TMEM132D: variants seen among roughly 807,000 people sequenced by gnomAD.
TMEM132D encodes the protein mature OL transmembrane protein.
A neutral mutation model predicts 62.3 loss-of-function variants in TMEM132D; 21 were observed. That is an observed-to-expected ratio of 0.34 (90% CI 0.24 to 0.49). The LOEUF (loss-of-function observed/expected upper bound fraction) is 0.49. Ranked by LOEUF, TMEM132D falls within the 20% of genes least tolerant of loss-of-function variation. The pLI is 0.99. For synonymous variants in TMEM132D, 621 were observed against 575.6 expected, an observed-to-expected ratio of 1.08 and a Z score of -1.13; for missense variants, 1,346 against 1,402.8, an observed-to-expected ratio of 0.96 and a Z score of 0.65.
At chr12:129,512,469 C>T (rs1205568773) in intron 3 of TMEM132D, among the ~76,000 whole-genome samples, 1 of 152,170 alleles carries the variant, frequency 6.6e-6, no homozygotes, top group African/African-American at 2.4e-5. Flanking sequence ...AACAAGATGA[C>T]AGAGAGACAT....
intron 3 of TMEM132D, among the ~76,000 whole-genome samples, chr12:129,376,123 C>G (rs956130550): frequency 4.6e-5 from 7 of 152,080 alleles, no homozygotes; most frequent in African/African-American, 1.7e-4. Context: ...AAAAAGACAG[C>G]TATAACTTTT....
intron 3 of TMEM132D, among the ~76,000 whole-genome samples, chr12:129,387,663 CACTA>C (rs1397151805): frequency 6.6e-6 from 1 of 152,120 alleles, no homozygotes; most frequent in Non-Finnish European, 1.5e-5. Flanking sequence ...CATGTGCCAA[CACTA>C]ACACCAACAC....
chr12:129,078,408 G>A (rs1421061724), intron 8 of TMEM132D, 126 bp downstream of exon 8: 3 of 918,356 alleles, frequency 3.3e-6, no homozygotes, highest in Non-Finnish European at 4.9e-6. Flanking sequence ...CTTTGCAGAT[G>A]GAGAAACAAA....
At chr12:129,085,890 C>A (rs1565958792) in intron 5 of TMEM132D, 2 of 152,228 alleles carry the variant, frequency 1.3e-5, no homozygotes, top group African/African-American at 4.8e-5. Flanking sequence ...GGCAATGAGT[C>A]CTTTAGTTTT....
intron 3 of TMEM132D, among the ~76,000 whole-genome samples, chr12:129,482,913 CATCTGGTTTT>C (rs1353976958): frequency 5.3e-5 from 8 of 150,174 alleles, no homozygotes. Flanking sequence ...AAAGAGCAAA[CATCTGGTTTT>C]ATCTCTGAGA....
intron 1 of TMEM132D, among the ~76,000 whole-genome samples, chr12:129,824,483 A>G (rs993567718): frequency 2.6e-5 from 4 of 151,950 alleles, no homozygotes; most frequent in Non-Finnish European, 5.9e-5. Context: ...CGCCCCAAGT[A>G]TGACGGATTC....
At chr12:129,079,598 T>C (rs910409311) in intron 7 of TMEM132D, among the ~76,000 whole-genome samples, 9 of 152,224 alleles carry the variant, frequency 5.9e-5, no homozygotes, top group Non-Finnish European at 1.3e-4. Context: ...TCCTCCATTC[T>C]CCTGCTTTCT....
chr12:129,797,169 G>A (rs911077987), intron 1 of TMEM132D, among the ~76,000 whole-genome samples: 1 of 152,162 alleles, frequency 6.6e-6, no homozygotes, highest in Non-Finnish European at 1.5e-5. Flanking sequence ...CATCGCGGGA[G>A]GGTGGCAATG....
intron 5 of TMEM132D, among the ~76,000 whole-genome samples, chr12:129,146,934 G>A (rs571703296): frequency 1.3e-5 from 2 of 152,090 alleles, no homozygotes; most frequent in African/African-American, 2.4e-5. Flanking sequence ...CTGGCCAAAG[G>A]TCACACGGTG....
intron 3 of TMEM132D, among the ~76,000 whole-genome samples, chr12:129,499,120 A>AT (rs1875049110): frequency 6.6e-6 from 1 of 152,230 alleles, no homozygotes; most frequent in African/African-American, 2.4e-5. Context: ...GGAAAATAAC[A>AT]TTATTGCTCT....
intron 2 of TMEM132D, among the ~76,000 whole-genome samples, chr12:129,535,771 TGTGTGCGTGTGTGTGTG>T (rs1257673685): frequency 4.5e-5 from 3 of 66,828 alleles, no homozygotes; most frequent in Non-Finnish European, 1.0e-4. Context: ...ATTTAAGATT[TGTGTGCGTGTGTGTGTG>T]TGTGTGTGTG....
chr12:129,721,735 C>T (rs558463505), intron 1 of TMEM132D, among the ~76,000 whole-genome samples: 1 of 152,254 alleles, frequency 6.6e-6, no homozygotes, highest in East Asian at 1.9e-4. Flanking sequence ...ATGTACGGAC[C>T]CTCTGAACAG....
chr12:129,796,940 C>T (rs542183961), intron 1 of TMEM132D, among the ~76,000 whole-genome samples: 16 of 152,290 alleles, frequency 1.1e-4, no homozygotes, highest in South Asian at 2.1e-4. Flanking sequence ...TCCACTACCT[C>T]GTCTCAATGA....
intron 2 of TMEM132D, among the ~76,000 whole-genome samples, chr12:129,562,643 G>T (rs1483978659): frequency 2.0e-5 from 3 of 152,136 alleles, no homozygotes; most frequent in Non-Finnish European, 4.4e-5. Flanking sequence ...TACGGGAAAT[G>T]GTAAGAACTT....
chr12:129,714,960 C>G (rs555828498), intron 1 of TMEM132D, among the ~76,000 whole-genome samples: 1 of 152,240 alleles, frequency 6.6e-6, no homozygotes, highest in South Asian at 2.1e-4. Flanking sequence ...GTAAGCCGCT[C>G]CCCATCCTCA....
chr12:129,309,538 A>T (rs947224260), intron 4 of TMEM132D, among the ~76,000 whole-genome samples: 2 of 152,172 alleles, frequency 1.3e-5, no homozygotes, highest in East Asian at 3.9e-4. Flanking sequence ...TAAAGATCCT[A>T]TGTAGACAGT....
At chr12:129,396,966 G>A (rs1871449089) in intron 3 of TMEM132D, among the ~76,000 whole-genome samples, 1 of 152,094 alleles carries the variant, frequency 6.6e-6, no homozygotes, top group African/African-American at 2.4e-5. Flanking sequence ...GTACACCTGA[G>A]ATGGTGACTT....
chr12:129,813,448 G>C (rs1053339233), intron 1 of TMEM132D, among the ~76,000 whole-genome samples: 4 of 151,510 alleles, frequency 2.6e-5, no homozygotes, highest in Non-Finnish European at 5.9e-5. Context: ...ATGGATGCCA[G>C]TGAGGATGTG....
At chr12:129,861,491 T>C (rs1286979350) in intron 1 of TMEM132D, among the ~76,000 whole-genome samples, 1 of 152,204 alleles carries the variant, frequency 6.6e-6, no homozygotes, top group African/African-American at 2.4e-5. Flanking sequence ...CTGGGCCCAG[T>C]GGCTCACGCC....
Sources: allele counts gnomAD v4.1 joint callset (sites outside exome capture counted in the v4.1 genomes callset), GRCh38; gene constraint gnomAD v4.1.1; transcripts MANE v1.5; gene names NCBI Gene and HGNC (gene_info 2026-07-23, HGNC 2026-07-21).